LRRK1: variants seen among roughly 807,000 people sequenced by gnomAD.
LRRK1 encodes the protein leucine-rich repeat serine/threonine-protein kinase 1.
Under a neutral mutation model 209.1 loss-of-function variants are expected in LRRK1, and 113 were observed. The observed-to-expected ratio is 0.54, with a 90% CI of 0.46 to 0.63. The LOEUF is 0.63. LRRK1 is among the 30% of genes least tolerant of loss of function. The pLI, the probability that LRRK1 is intolerant of heterozygous loss-of-function variation, is 0.00. For synonymous variants in LRRK1, 1,144 were observed against 1,099.7 expected (o/e 1.04, Z -0.80); for missense variants, 2,284 against 2,632.2 (o/e 0.87, Z 2.89).
intron 12 of LRRK1, among the ~76,000 whole-genome samples, chr15:101,018,853 C>A (rs2033658629): frequency 2.6e-5 from 4 of 152,158 alleles, no homozygotes; most frequent in African/African-American, 9.7e-5. Context: ...TTTGCAAACC[C>A]TTTTCCTCAG....
At chr15:100,937,212 T>G (rs1350802636) in intron 2 of LRRK1, among the ~76,000 whole-genome samples, 2 of 152,246 alleles carry the variant, frequency 1.3e-5, no homozygotes, top group African/African-American at 2.4e-5. Context: ...TAAAATATAT[T>G]TTTAAACTAT....
At chr15:100,974,201 G>A (rs867085945) in intron 3 of LRRK1, 17 of 384,978 alleles carry the variant, frequency 4.4e-5, no homozygotes, top group Non-Finnish European at 6.9e-5. Flanking sequence ...TTTGAGGGAC[G>A]GGGGTGTGGT....
chr15:101,043,492 C>T (rs976351547), intron 20 of LRRK1, among the ~76,000 whole-genome samples: 2 of 152,138 alleles, frequency 1.3e-5, no homozygotes, highest in African/African-American at 4.8e-5. Flanking sequence ...GATCTGACAA[C>T]TTTCAGATTG....
At chr15:101,039,633 G>C (rs3903511) in intron 20 of LRRK1, among the ~76,000 whole-genome samples, 132,080 of 152,212 alleles carry the variant, frequency 0.87, 57,753 homozygotes, top group Non-Finnish European at 0.92. Context: ...AAATAGAAGG[G>C]ATGAGAGAAG....
chr15:100,930,259 G>A (rs981106227), intron 2 of LRRK1, among the ~76,000 whole-genome samples: 1 of 152,190 alleles, frequency 6.6e-6, no homozygotes, highest in Non-Finnish European at 1.5e-5. Flanking sequence ...TTCCTTTTTA[G>A]GCTGAGTAAG....
intron 3 of LRRK1, among the ~76,000 whole-genome samples, chr15:100,978,588 GC>G (rs1480618451): frequency 6.6e-6 from 1 of 152,120 alleles, no homozygotes; most frequent in Non-Finnish European, 1.5e-5. Context: ...TACAGATCCT[GC>G]AGATATCAAA....
chr15:101,073,397 G>C lies in LRRK1; in HGVS notation c.*4549G>C, dbSNP rs2036874293. On this transcript the variant is annotated 3_prime_UTR_variant, in exon 34 of 34. Transcript: ENST00000388948. ...CTTGGTCCTTCACCCTTAGCGGCAA[G>C]TCCCGCTTTTCTGGGGAATGGGCAA... 1 of 152,222 alleles carries C rather than the reference G, an allele frequency of 6.6e-6. No individual in the cohort carries two copies. Among genetic ancestry groups the C allele is most frequent in the Non-Finnish European group, 1.5e-5 (1 of 68,074 alleles). The allele number at this position is 152,222 out of a possible 1,614,324, so 9.4% of individuals were successfully genotyped here. A position where few individuals can be genotyped will look rare whatever the true frequency, so the allele number is the denominator to read the frequency against.
At chr15:101,017,634 C>T (rs1347958232) in intron 12 of LRRK1, among the ~76,000 whole-genome samples, 3 of 152,090 alleles carry the variant, frequency 2.0e-5, no homozygotes, top group Non-Finnish European at 4.4e-5. Flanking sequence ...GTTGTGCCCT[C>T]CTTATGAGAA....
chr15:101,065,187 T>C (rs952021914), intron 31 of LRRK1, 165 bp from the exon 32 acceptor site: 14 of 714,182 alleles, frequency 2.0e-5, no homozygotes, highest in East Asian at 7.8e-5. Flanking sequence ...TGCACTTCTT[T>C]AGGAGTAGCC....
At chr15:101,064,883 G>GA (rs1382739431) in intron 31 of LRRK1, 2 of 170,300 alleles carry the variant, frequency 1.2e-5, no homozygotes, top group Non-Finnish European at 2.5e-5. Flanking sequence ...CTGGTGGGGG[G>GA]GGTGGCAGGC....
intron 2 of LRRK1, among the ~76,000 whole-genome samples, chr15:100,926,605 G>GT (rs397778384): frequency 6.7e-6 from 1 of 148,866 alleles, no homozygotes; most frequent in African/African-American, 2.5e-5. Flanking sequence ...GGGCAGGGGG[G>GT]CGGGGAGTGA....
At chr15:100,998,572 T>A (rs1402546636) in intron 6 of LRRK1, among the ~76,000 whole-genome samples, 1 of 145,988 alleles carries the variant, frequency 6.8e-6, no homozygotes, top group Non-Finnish European at 1.5e-5. Flanking sequence ...TCACCCTGTG[T>A]TTGCCCCTCC....
intron 4 of LRRK1, among the ~76,000 whole-genome samples, chr15:100,987,104 C>A (rs2031917259): frequency 6.6e-6 from 1 of 152,154 alleles, no homozygotes; most frequent in Non-Finnish European, 1.5e-5. Flanking sequence ...ACCTACAAAT[C>A]ATTAATTCTG....
rs554859237 is a variant in LRRK1 at position 100,958,785 on chromosome 15, G to A, written c.98-15019G>A. Among the ~76,000 whole-genome samples the A allele has an allele frequency of 1.1e-4, 17 of 152,302 alleles. No individual in the cohort carries two copies. The South Asian group carries it at 1.7e-3, about 15-fold the overall frequency. The stretch of plus-strand genomic sequence containing the variant: ...TGCCACCATCCGAAGTGGAGAGGAC[G>A]GAAATGTGCAGGGCCTGGAGGTGGG... On this transcript the variant is annotated intron_variant, in intron 2 of 33. Transcript: ENST00000388948.
At chr15:100,949,897 C>A (rs565030511) in intron 2 of LRRK1, among the ~76,000 whole-genome samples, 1 of 151,630 alleles carries the variant, frequency 6.6e-6, no homozygotes, top group East Asian at 1.9e-4. Flanking sequence ...AAAAAAAAAA[C>A]CCATAACTAA....
In LRRK1 at chr15:101,074,633, C is replaced by A. The variant is rs538752326; in HGVS notation, c.*5785C>A. 6.6e-6 allele frequency: 1 copy of A among 152,232 alleles called. No individual in the cohort carries two copies. Among genetic ancestry groups the A allele is most frequent in the Admixed American group, 6.5e-5 (1 of 15,296 alleles). The allele number at this position is 152,232 out of a possible 1,614,324, so 9.4% of individuals were successfully genotyped here. ...AAATTAAATTCCGGCCCTCAAACCCCACAACAGGATTTAATTAACCTTGCC... is the reference window on the plus strand; with the variant it reads ...AAATTAAATTCCGGCCCTCAAACCCAACAACAGGATTTAATTAACCTTGCC... On this transcript the variant is annotated 3_prime_UTR_variant, in exon 34 of 34. Coordinates refer to ENST00000388948, the MANE Select transcript of LRRK1 (RefSeq NM_024652.6).
chr15:101,032,749 T>G (rs2034337663), intron 20 of LRRK1, among the ~76,000 whole-genome samples: 1 of 152,206 alleles, frequency 6.6e-6, no homozygotes, highest in African/African-American at 2.4e-5. Context: ...AACCATTTGT[T>G]GGAAAGACTT....
chr15:100,944,085 C>A (rs2042494308), intron 2 of LRRK1, among the ~76,000 whole-genome samples: 1 of 152,118 alleles, frequency 6.6e-6, no homozygotes, highest in South Asian at 2.1e-4. Flanking sequence ...TTTGGGTGGG[C>A]ATGGGGCCTC....
rs2030109561 is a variant in LRRK1, at chr15:100,962,810, T to TATATATACACATATATATATATATAC, written c.98-10987_98-10986insCACATATATATATATATACATATATA. On this transcript the variant is annotated intron_variant, in intron 2 of 33. Transcript: ENST00000388948. ...TTCATTTTGCATATATATATATATA[T>TATATATACACATATATATATATATAC]ATATATATATATATTTTTTTTTTTT... 1.7e-4 allele frequency among the ~76,000 whole-genome samples: 5 copies of TATATATACACATATATATATATATAC among 30,214 alleles called. 1 individual carries two copies. The highest frequency in any genetic ancestry group is 3.0e-4 in the Non-Finnish European group (4 of 13,424). 19.8% of individuals were successfully genotyped at this position (30,214 alleles called of 152,430 possible). A position where few individuals can be genotyped will look rare whatever the true frequency, so the allele number is the denominator to read the frequency against.
Sources: gnomAD v4.1 joint callset for allele counts (sites outside exome capture counted in the v4.1 genomes callset) on GRCh38, gnomAD v4.1.1 for gene constraint, MANE v1.5 for transcripts, NCBI Gene and HGNC (gene_info 2026-07-23, HGNC 2026-07-21) for gene names.